Variants in PLD5 observed in about 807,000 individuals in gnomAD.
PLD5 encodes phospholipase D family member 5.
In PLD5, 36 loss-of-function variants were observed where a neutral mutation model predicts 61.1. The observed-to-expected ratio is 0.59, with a 90% CI of 0.45 to 0.78. The LOEUF is 0.78. Among genes scored for constraint, PLD5 ranks in the 30% least tolerant of loss-of-function variants. PLD5 has a pLI of 0.00. For missense variants in PLD5, 515 were observed against 644.4 expected (o/e 0.80, Z 2.17); for synonymous variants, 243 against 242.8 (o/e 1.00, Z -0.01).
intron 1 of PLD5, among the ~76,000 whole-genome samples, chr1:242,363,146 C>T: frequency 6.6e-6 from 1 of 152,082 alleles, no homozygotes; most frequent in Non-Finnish European, 1.5e-5. Flanking sequence ...AGCTACCTGT[C>T]ACCTGGGGCA....
At chr1:242,489,230 G>A (rs988592537) in intron 1 of PLD5, among the ~76,000 whole-genome samples, 2 of 152,128 alleles carry the variant, frequency 1.3e-5, no homozygotes, top group African/African-American at 4.8e-5. Context: ...AGGAGCATGA[G>A]TGAGTCCATC....
chr1:242,246,427 AC>A (rs1672359790), intron 4 of PLD5, among the ~76,000 whole-genome samples: 1 of 149,924 alleles, frequency 6.7e-6, no homozygotes, highest in Non-Finnish European at 1.5e-5. Flanking sequence ...ACATATTCCC[AC>A]TCCAGAATCT....
chr1:242,333,270 C>T (rs1036038342), intron 2 of PLD5, among the ~76,000 whole-genome samples: 1 of 152,186 alleles, frequency 6.6e-6, no homozygotes, highest in Non-Finnish European at 1.5e-5. Flanking sequence ...CAGAAACAAT[C>T]TCCCAACCCA....
intron 1 of PLD5, among the ~76,000 whole-genome samples, chr1:242,348,999 A>C (rs553977920): frequency 6.6e-6 from 1 of 152,304 alleles, no homozygotes; most frequent in South Asian, 2.1e-4. Flanking sequence ...GCTTGCAGTG[A>C]GCCAAGATCG....
intron 1 of PLD5, among the ~76,000 whole-genome samples, chr1:242,478,770 T>C (rs942386108): frequency 1.3e-5 from 2 of 152,130 alleles, no homozygotes; most frequent in African/African-American, 4.8e-5. Flanking sequence ...AAAAATCCTA[T>C]AATACAGTGA....
chr1:242,159,913 CT>C (rs1360215030), intron 5 of PLD5, among the ~76,000 whole-genome samples: 2 of 152,088 alleles, frequency 1.3e-5, no homozygotes, highest in African/African-American at 4.8e-5. Context: ...GCTATTTCTC[CT>C]TGTGTCTATA....
intron 1 of PLD5, among the ~76,000 whole-genome samples, chr1:242,355,971 T>C (rs1424063565): frequency 6.6e-6 from 1 of 151,586 alleles, no homozygotes; most frequent in African/African-American, 2.4e-5. Context: ...TCTTCTTAAA[T>C]TTGCTTAGAC....
At chr1:242,442,416 A>G (rs1312390351) in intron 1 of PLD5, among the ~76,000 whole-genome samples, 3 of 152,198 alleles carry the variant, frequency 2.0e-5, no homozygotes, top group African/African-American at 7.2e-5. Context: ...CACTTTATCC[A>G]TGGCGGCACT....
In PLD5 at chr1:242,155,213, T is replaced by G. The variant is rs559543075; in HGVS notation, c.736-30548A>C. Among the ~76,000 whole-genome samples the G allele has an allele frequency of 6.0e-4, 92 of 152,224 alleles. 1 individual carries two copies. The highest frequency in any genetic ancestry group is 1.1e-3 in the Admixed American group (17 of 15,288). On this transcript the variant is annotated intron_variant, in intron 5 of 9. Coordinates refer to ENST00000536534, the MANE Select transcript of PLD5 (RefSeq NM_001372062.1). ...GGTGATATCCCCTGTATAATTTTTT[T>G]TGTGTGTCTATTTGATTCTTCTCTT...
chr1:242,231,079 C>T (rs1671269075), intron 4 of PLD5, among the ~76,000 whole-genome samples: 1 of 152,198 alleles, frequency 6.6e-6, no homozygotes, highest in East Asian at 1.9e-4. Context: ...AATATTGCCT[C>T]AATTATGCAT....
chr1:242,111,397 T>C (rs79063115), intron 7 of PLD5, among the ~76,000 whole-genome samples: 11,073 of 152,176 alleles, frequency 0.073, 444 homozygotes, highest in Middle Eastern at 0.11. Flanking sequence ...TAGTCACAGA[T>C]CATTGTTCCA....
chr1:242,433,331 G>C (rs1665821555), intron 1 of PLD5, among the ~76,000 whole-genome samples: 1 of 152,298 alleles, frequency 6.6e-6, no homozygotes, highest in East Asian at 1.9e-4. Context: ...TCTCACCCTT[G>C]AAAGAATTCT....
At chr1:242,401,416 AC>A (rs1031063382) in intron 1 of PLD5, among the ~76,000 whole-genome samples, 8 of 151,426 alleles carry the variant, frequency 5.3e-5, no homozygotes, top group Non-Finnish European at 1.0e-4. Flanking sequence ...GATCATGTGG[AC>A]CCCTCCCCTT....
Position 242,227,288 on chromosome 1 carries a change from G to A in PLD5, c.608-7173C>T, listed in dbSNP as rs145362700. On this transcript the variant is annotated intron_variant, in intron 4 of 9. Coordinates refer to ENST00000536534, the MANE Select transcript of PLD5 (RefSeq NM_001372062.1). ...TGGCCTTGAACTCCTGGGTTAAAGCGATCCTCCAGCCATAGCCTCATAAGT... is the reference window on the plus strand; with the variant it reads ...TGGCCTTGAACTCCTGGGTTAAAGCAATCCTCCAGCCATAGCCTCATAAGT... Among the ~76,000 whole-genome samples the A allele has an allele frequency of 3.1e-3, 476 of 151,602 alleles. 6 individuals carry two copies. Among genetic ancestry groups the A allele is most frequent in the African/African-American group, 9.0e-3 (372 of 41,264 alleles).
intron 5 of PLD5, among the ~76,000 whole-genome samples, chr1:242,161,966 A>G (rs1041318446): frequency 6.6e-6 from 1 of 152,150 alleles, no homozygotes; most frequent in Non-Finnish European, 1.5e-5. Context: ...CAGCTGTTCA[A>G]CCTCAGAGGT....
At chr1:242,172,948 G>A (rs1037728237) in intron 5 of PLD5, among the ~76,000 whole-genome samples, 2 of 152,018 alleles carry the variant, frequency 1.3e-5, no homozygotes, top group East Asian at 1.9e-4. Context: ...TTCTACCAGA[G>A]GTACAAAGAG....
chr1:242,298,591 G>A (rs184236860), intron 2 of PLD5, among the ~76,000 whole-genome samples: 154 of 152,284 alleles, frequency 1.0e-3, no homozygotes, highest in Middle Eastern at 3.4e-3. Context: ...ACTTTGGGTC[G>A]ACAGAGGAAC....
At chr1:242,449,798 C>T (rs1167332106) in intron 1 of PLD5, among the ~76,000 whole-genome samples, 4 of 152,150 alleles carry the variant, frequency 2.6e-5, no homozygotes, top group South Asian at 2.1e-4. Context: ...TGAGCAGAAA[C>T]GGCTGCAATT....
intron 3 of PLD5, among the ~76,000 whole-genome samples, chr1:242,266,840 G>A (rs1408183703): frequency 1.3e-5 from 2 of 152,190 alleles, no homozygotes; most frequent in African/African-American, 4.8e-5. Context: ...AAGCTGGCCG[G>A]GTGCGTAGCC....
Sources: allele counts gnomAD v4.1 joint callset (sites outside exome capture counted in the v4.1 genomes callset), GRCh38; gene constraint gnomAD v4.1.1; transcripts MANE v1.5; gene names NCBI Gene and HGNC (gene_info 2026-07-23, HGNC 2026-07-21).